HS3ST1: variants seen among roughly 807,000 people sequenced by gnomAD.
HS3ST1 encodes the protein heparan sulfate glucosamine 3-O-sulfotransferase 1.
A neutral mutation model predicts 20.7 loss-of-function variants in HS3ST1; 8 were observed. The observed-to-expected ratio is 0.39, with a 90% CI of 0.23 to 0.70. The LOEUF (loss-of-function observed/expected upper bound fraction) is 0.70. HS3ST1 is among the 30% of genes least tolerant of loss of function. HS3ST1 has a pLI of 0.46. For missense variants in HS3ST1, 436 were observed against 423.4 expected (o/e 1.03, Z -0.26); for synonymous variants, 205 against 190.4 (o/e 1.08, Z -0.63).
intron 1 of HS3ST1, among the ~76,000 whole-genome samples, chr4:11,418,290 C>CAGA (rs1199954448): frequency 6.6e-6 from 1 of 152,180 alleles, no homozygotes; most frequent in African/African-American, 2.4e-5. Flanking sequence ...CAAAATCAGG[C>CAGA]TTACCAGCAA....
In HS3ST1 at chr4:11,398,864, T is replaced by C; in HGVS notation, c.*218A>G. 1 of 462,044 alleles carries C rather than the reference T, an allele frequency of 2.2e-6. No individual in the cohort carries two copies. Among genetic ancestry groups the C allele is most frequent in the Non-Finnish European group, 3.8e-6 (1 of 264,618 alleles). The allele number at this position is 462,044 out of a possible 1,614,324, so 28.6% of individuals were successfully genotyped here. On this transcript the variant is annotated 3_prime_UTR_variant, in exon 2 of 2. Transcript: ENST00000002596. ...CTTCATATAGAGACATATTACACAATGTTAACAACCATGAAAAACAATACA... is the reference window on the plus strand; with the variant it reads ...CTTCATATAGAGACATATTACACAACGTTAACAACCATGAAAAACAATACA...
chr4:11,404,564 G>C (rs915397883), intron 1 of HS3ST1, among the ~76,000 whole-genome samples: 1 of 152,212 alleles, frequency 6.6e-6, no homozygotes, highest in Non-Finnish European at 1.5e-5. Flanking sequence ...CTGAAAGCAA[G>C]ATTCTCTACG....
At chr4:11,414,587 G>A (rs1489806259) in intron 1 of HS3ST1, among the ~76,000 whole-genome samples, 1 of 152,136 alleles carries the variant, frequency 6.6e-6, no homozygotes, top group East Asian at 1.9e-4. Context: ...CAACCAGCTA[G>A]CGTGAACACT....
chr4:11,394,716 C>T lies in HS3ST1; in HGVS notation c.*4366G>A, dbSNP rs954471731. The T allele has an allele frequency of 2.6e-5, 4 of 152,200 alleles. No individual in the cohort carries two copies. Among genetic ancestry groups the T allele is most frequent in the African/African-American group, 9.7e-5 (4 of 41,432 alleles). 9.4% of individuals were successfully genotyped at this position (152,200 alleles called of 1,614,324 possible). A position where few individuals can be genotyped will look rare whatever the true frequency, so the allele number is the denominator to read the frequency against. Reference sequence around the variant, plus strand: ...CTCCACTTACCCACAAATAGATGGACTGAAAAGGAGCAGAGACATCGGAGA... The same window carrying T: ...CTCCACTTACCCACAAATAGATGGATTGAAAAGGAGCAGAGACATCGGAGA... On this transcript the variant is annotated 3_prime_UTR_variant, in exon 2 of 2. Coordinates refer to ENST00000002596, the MANE Select transcript of HS3ST1 (RefSeq NM_005114.4).
intron 1 of HS3ST1, among the ~76,000 whole-genome samples, chr4:11,401,962 A>T (rs1718338309): frequency 6.6e-6 from 1 of 152,182 alleles, no homozygotes; most frequent in Non-Finnish European, 1.5e-5. Context: ...CTTTCACTTG[A>T]GTCATCTCTG....
At chr4:11,424,631 GCACAT>G (rs1455981585) in intron 1 of HS3ST1, among the ~76,000 whole-genome samples, 1 of 152,158 alleles carries the variant, frequency 6.6e-6, no homozygotes, top group Non-Finnish European at 1.5e-5. Context: ...GGCACCAGAG[GCACAT>G]CAAGATGGTG....
chr4:11,404,217 G>C (rs963809527), intron 1 of HS3ST1, among the ~76,000 whole-genome samples: 8 of 151,964 alleles, frequency 5.3e-5, no homozygotes, highest in African/African-American at 1.7e-4. Flanking sequence ...GCTAATTTTT[G>C]TATTATAATT....
intron 1 of HS3ST1, among the ~76,000 whole-genome samples, chr4:11,401,338 T>C (rs780367304): frequency 1.4e-5 from 2 of 146,150 alleles, no homozygotes; most frequent in Non-Finnish European, 3.0e-5. Context: ...GCAAGGCAGA[T>C]GTCACCGCCA....
rs147696483 is a variant in HS3ST1 at position 11,396,845 on chromosome 4, G to T, written c.*2237C>A. The T allele has an allele frequency of 1.3e-5, 2 of 152,190 alleles. No individual in the cohort carries two copies. Among genetic ancestry groups the T allele is most frequent in the Non-Finnish European group, 1.5e-5 (1 of 68,056 alleles). 9.4% of individuals were successfully genotyped at this position (152,190 alleles called of 1,614,324 possible). On this transcript the variant is annotated 3_prime_UTR_variant, in exon 2 of 2. Coordinates refer to ENST00000002596, the MANE Select transcript of HS3ST1 (RefSeq NM_005114.4). Reference sequence around the variant, plus strand: ...ACTGATCATTTTACACTGGACCACCGCCTCCATCGACTATGCCAGTCCCAG... The same window carrying T: ...ACTGATCATTTTACACTGGACCACCTCCTCCATCGACTATGCCAGTCCCAG...
At chr4:11,401,403 G>A (rs1342296674) in intron 1 of HS3ST1, among the ~76,000 whole-genome samples, 2 of 149,480 alleles carry the variant, frequency 1.3e-5, no homozygotes, top group East Asian at 3.9e-4. Flanking sequence ...GGAGTGCAAT[G>A]GTGTGATCTC....
chr4:11,407,224 C>T (rs555941567), intron 1 of HS3ST1, among the ~76,000 whole-genome samples: 3 of 152,188 alleles, frequency 2.0e-5, no homozygotes, highest in South Asian at 2.1e-4. Context: ...TAGAAAGGAC[C>T]GTAAGTCAGG....
intron 1 of HS3ST1, among the ~76,000 whole-genome samples, chr4:11,400,828 C>T (rs1482723362): frequency 3.3e-5 from 5 of 152,206 alleles, no homozygotes; most frequent in Admixed American, 6.5e-5. Context: ...GACAACGTAT[C>T]AGTCCCCAGC....
upstream of HS3ST1, among the ~76,000 whole-genome samples, chr4:11,433,470 C>G (rs1227165254): frequency 6.6e-6 from 1 of 152,160 alleles, no homozygotes; most frequent in African/African-American, 2.4e-5. Flanking sequence ...AGAAAAATTG[C>G]AGTATTGCAG....
At chr4:11,406,542 C>T (rs1718469737) in intron 1 of HS3ST1, among the ~76,000 whole-genome samples, 1 of 152,168 alleles carries the variant, frequency 6.6e-6, no homozygotes, top group African/African-American at 2.4e-5. Flanking sequence ...GAAATGGATA[C>T]ATGCTGTTAA....
chr4:11,409,591 T>G (rs1476639539), intron 1 of HS3ST1, among the ~76,000 whole-genome samples: 3 of 152,258 alleles, frequency 2.0e-5, no homozygotes, highest in Non-Finnish European at 4.4e-5. Context: ...GAAGAACCAC[T>G]TCTGCTGACA....
intron 1 of HS3ST1, among the ~76,000 whole-genome samples, chr4:11,415,934 G>A: frequency 6.6e-6 from 1 of 152,118 alleles, no homozygotes; most frequent in Admixed American, 6.5e-5. Flanking sequence ...TGCAGCTAAG[G>A]AGACTTGTGT....
Position 11,395,001 on chromosome 4 carries a change from G to A in HS3ST1, c.*4081C>T, listed in dbSNP as rs1182568128. 2 of 152,180 alleles carry A rather than the reference G, an allele frequency of 1.3e-5. No homozygotes were observed. The highest frequency in any genetic ancestry group is 1.3e-4 in the Admixed American group (2 of 15,278). 9.4% of individuals were successfully genotyped at this position (152,180 alleles called of 1,614,324 possible). A position where few individuals can be genotyped will look rare whatever the true frequency, so the allele number is the denominator to read the frequency against. On this transcript the variant is annotated 3_prime_UTR_variant, in exon 2 of 2. Coordinates refer to ENST00000002596, the MANE Select transcript of HS3ST1 (RefSeq NM_005114.4). Reference sequence around the variant, plus strand: ...GTAAGCTTCCAACACTCCAGCCTTGGAAAGCAGTAGCTTCTCATTGAGTTT... The same window carrying A: ...GTAAGCTTCCAACACTCCAGCCTTGAAAAGCAGTAGCTTCTCATTGAGTTT...
intron 1 of HS3ST1, among the ~76,000 whole-genome samples, chr4:11,425,964 A>G (rs1719049467): frequency 6.6e-6 from 1 of 152,086 alleles, no homozygotes; most frequent in Non-Finnish European, 1.5e-5. Context: ...TAGCCCTGAT[A>G]TTTTCCAGCA....
At chr4:11,425,097 G>A (rs766576969) in intron 1 of HS3ST1, among the ~76,000 whole-genome samples, 4 of 152,076 alleles carry the variant, frequency 2.6e-5, no homozygotes, top group African/African-American at 9.7e-5. Flanking sequence ...TAGAAATGAC[G>A]CCATCTGCTC....
Sources: gnomAD v4.1 joint callset for allele counts (sites outside exome capture counted in the v4.1 genomes callset) on GRCh38, gnomAD v4.1.1 for gene constraint, MANE v1.5 for transcripts, NCBI Gene and HGNC (gene_info 2026-07-23, HGNC 2026-07-21) for gene names.